The following WNT3A variants were observed in gnomAD, a reference collection of about 807,000 sequenced individuals.
WNT3A encodes protein Wnt-3a.
In WNT3A, 17 loss-of-function variants were observed where a neutral mutation model predicts 37.0. The observed-to-expected ratio is 0.46, with a 90% confidence interval of 0.31 to 0.69. WNT3A has a LOEUF of 0.69. Ranked by LOEUF, WNT3A falls within the 30% of genes least tolerant of loss-of-function variation. The probability of loss-of-function intolerance (pLI) is 0.05; values close to 1 mark genes in which losing one functional copy is unlikely to be tolerated. For missense variants in WNT3A, 411 were observed against 510.2 expected (o/e 0.81, Z 1.87); for synonymous variants, 187 against 211.0 (o/e 0.89, Z 0.99).
Position 228,059,772 on chromosome 1 carries a change from T to C in WNT3A, c.*307T>C, listed in dbSNP as rs1452387097. On this transcript the variant is annotated 3_prime_UTR_variant, in exon 4 of 4. Coordinates refer to ENST00000284523, the MANE Select transcript of WNT3A (RefSeq NM_033131.4). ...CCCTGGACAGAGGCGGGGCTACAGA[T>C]TGGGCGGGGCTTCTCTTGGGTGGGA... 8.4e-7 allele frequency: 1 copy of C among 1,188,090 alleles called. No individual in the cohort carries two copies. The highest frequency in any genetic ancestry group is 1.0e-6 in the Non-Finnish European group (1 of 958,208). The allele number at this position is 1,188,090 out of a possible 1,614,324, so 73.6% of individuals were successfully genotyped here.
chr1:228,059,239 C>G lies in WNT3A; in HGVS notation c.833C>G (p.Pro278Arg). Residue 278 changes from proline (P) to arginine (R), a missense_variant, in exon 4 of 4, where the codon CCC (proline) becomes CGC (arginine). By Grantham distance (103) the Pro-to-Arg change is moderately radical (BLOSUM62 -2). Coordinates refer to ENST00000284523, the MANE Select transcript of WNT3A (RefSeq NM_033131.4). Reference sequence around the variant, plus strand: ...GACCTGGTCTACTACGAGGCCTCGCCCAACTTCTGCGAGCCCAACCCTGAG... The same window carrying G: ...GACCTGGTCTACTACGAGGCCTCGCGCAACTTCTGCGAGCCCAACCCTGAG... Reference protein sequence around the residue: ...ERDLVYYEASPNFCEPNPETG... With the variant: ...ERDLVYYEASRNFCEPNPETG... 2 of 1,609,580 alleles carry G rather than the reference C, an allele frequency of 1.2e-6. No homozygotes were observed. Among genetic ancestry groups the G allele is most frequent in the Non-Finnish European group, 1.7e-6 (2 of 1,179,556 alleles).
chr1:228,010,220 C>T (rs796542012), intron 1 of WNT3A, among the ~76,000 whole-genome samples: 3 of 152,340 alleles, frequency 2.0e-5, no homozygotes, highest in African/African-American at 7.2e-5. Context: ...CCAGGCACAC[C>T]CGCACTCCAG....
At chr1:228,028,029 G>T (rs939614564) in intron 2 of WNT3A, among the ~76,000 whole-genome samples, 3 of 152,080 alleles carry the variant, frequency 2.0e-5, no homozygotes. Context: ...ATTAAGTAGG[G>T]TGACCTTTTT....
At chr1:228,033,527 G>A (rs866218871) in intron 2 of WNT3A, among the ~76,000 whole-genome samples, 54 of 152,052 alleles carry the variant, frequency 3.6e-4, no homozygotes, top group African/African-American at 1.3e-3. Flanking sequence ...TGTTCCATAT[G>A]TCTGTCTTTA....
chr1:228,057,730 TCATA>T (rs2031708292), intron 3 of WNT3A, among the ~76,000 whole-genome samples: 1 of 152,198 alleles, frequency 6.6e-6, no homozygotes, highest in African/African-American at 2.4e-5. Context: ...CACAAATGGC[TCATA>T]GATTATTATA....
intron 3 of WNT3A, among the ~76,000 whole-genome samples, chr1:228,052,494 C>G (rs1014138094): frequency 6.7e-6 from 1 of 150,300 alleles, no homozygotes; most frequent in Non-Finnish European, 1.5e-5. Flanking sequence ...AACATTCAGA[C>G]CACAGCAGCT....
In WNT3A at chr1:228,039,435, G is replaced by C. The variant is rs1214373105; in HGVS notation, c.314-11221G>C. ...GACCCAATGACCACTGTCTACTCAT[G>C]GGGGGATGGCCATCAGCATATCAGA... is the stretch of plus-strand genomic sequence containing the variant. On this transcript the variant is annotated intron_variant, in intron 2 of 3. Transcript: ENST00000284523. The surrounding 1 kb of genome is among the most constrained non-coding windows in gnomAD (Gnocchi z 4.1). 6.6e-6 allele frequency among the ~76,000 whole-genome samples: 1 copy of C among 152,150 alleles called. No individual in the cohort carries two copies. Among genetic ancestry groups the C allele is most frequent in the African/African-American group, 2.4e-5 (1 of 41,438 alleles).
chr1:228,047,182 T>C (rs2031440442), intron 2 of WNT3A, among the ~76,000 whole-genome samples: 1 of 152,160 alleles, frequency 6.6e-6, no homozygotes, highest in Admixed American at 6.5e-5. Context: ...AGTTTTCTTC[T>C]GGGCTTGTGG....
chr1:228,012,973 G>A (rs2030418089), intron 1 of WNT3A, among the ~76,000 whole-genome samples: 1 of 152,154 alleles, frequency 6.6e-6, no homozygotes, highest in South Asian at 2.1e-4. Flanking sequence ...GACCCTCATG[G>A]GCTCAAGTGA....
Position 228,050,803 on chromosome 1 carries a change from G to A in WNT3A, c.461G>A (p.Gly154Asp), listed in dbSNP as rs1021976426. ...GSPGKGWKWG[G>D]CSEDIEFGGM... ...CCAGGCAAGGGCTGGAAGTGGGGTG[G>A]CTGTAGCGAGGACATCGAGTTTGGT... is the stretch of plus-strand genomic sequence containing the variant. The change falls in exon 3 of 4, where the codon GGC becomes GAC. Residue 154 changes from glycine to aspartate, a missense_variant. Gly to Asp is a moderately conservative substitution (Grantham distance 94). Coordinates refer to ENST00000284523, the MANE Select transcript of WNT3A (RefSeq NM_033131.4). This position sits in a 1 kb window ranked among gnomAD's most constrained non-coding sequence, Gnocchi z 5.0. 5 of 1,613,736 alleles carry A rather than the reference G, an allele frequency of 3.1e-6. No homozygotes were observed. The African/African-American group carries it at 6.7e-5, about 22-fold the overall frequency.
At chr1:228,035,965 C>T (rs912933150) in intron 2 of WNT3A, among the ~76,000 whole-genome samples, 1 of 152,232 alleles carries the variant, frequency 6.6e-6, no homozygotes, top group African/African-American at 2.4e-5. Flanking sequence ...AGTCCCGGCT[C>T]CTCCCTCCTG....
intron 1 of WNT3A, among the ~76,000 whole-genome samples, chr1:228,013,261 C>T (rs1295015023): frequency 2.0e-5 from 3 of 152,162 alleles, no homozygotes; most frequent in Admixed American, 6.5e-5. Context: ...GTGGCCCAGG[C>T]TGTGCACTTT....
Position 228,031,410 on chromosome 1 carries a change from G to A in WNT3A, c.313+8502G>A, listed in dbSNP as rs2031004590. Among the ~76,000 whole-genome samples the A allele has an allele frequency of 6.6e-6, 1 of 152,210 alleles. No individual in the cohort carries two copies. The highest frequency in any genetic ancestry group is 1.5e-5 in the Non-Finnish European group (1 of 68,036). On this transcript the variant is annotated intron_variant, in intron 2 of 3. Coordinates refer to ENST00000284523, the MANE Select transcript of WNT3A (RefSeq NM_033131.4). This position sits in a 1 kb window ranked among gnomAD's most constrained non-coding sequence, Gnocchi z 4.8. ...GCTGGCTGGGGTAATACACCACGCA[G>A]CTCCCCTGGAGATAGCTGCCAGGGT...
rs1280235364 is a variant in WNT3A at position 228,022,824 on chromosome 1, T to C, written c.229T>C (p.Cys77Arg). Residue 77 changes from cysteine to arginine, a missense_variant, in exon 2 of 4, where the codon TGC becomes CGC. By Grantham distance (180) the Cys-to-Arg change is radical. Transcript: ENST00000284523. ...GGGCATCAAGATTGGCATCCAGGAG[T>C]GCCAGCACCAGTTCCGCGGCCGCCG... ...AEGIKIGIQE[C>R]QHQFRGRRWN... 1 of 1,613,684 alleles carries C rather than the reference T, an allele frequency of 6.2e-7. No individual in the cohort carries two copies. Among genetic ancestry groups the C allele is most frequent in the East Asian group, 2.2e-5 (1 of 44,856 alleles).
At chr1:228,054,556 A>AGGC (rs1184853658) in intron 3 of WNT3A, among the ~76,000 whole-genome samples, 6 of 147,348 alleles carry the variant, frequency 4.1e-5, no homozygotes, top group Admixed American at 6.9e-5. Flanking sequence ...TGAACCCAGG[A>AGGC]GGCGGAGCTT....
intron 3 of WNT3A, among the ~76,000 whole-genome samples, chr1:228,056,592 T>C (rs2031687078): frequency 6.6e-6 from 1 of 151,760 alleles, no homozygotes. Flanking sequence ...AGAAAGACAA[T>C]GACAAACAAA....
At chr1:228,020,140 C>T (rs1339396525) in intron 1 of WNT3A, among the ~76,000 whole-genome samples, 1 of 152,216 alleles carries the variant, frequency 6.6e-6, no homozygotes, top group African/African-American at 2.4e-5. Flanking sequence ...AGGAGAATCG[C>T]TTGAGCCAAG....
intron 1 of WNT3A, among the ~76,000 whole-genome samples, chr1:228,009,063 A>G (rs1466409990): frequency 6.6e-6 from 1 of 152,162 alleles, no homozygotes; most frequent in Non-Finnish European, 1.5e-5. Flanking sequence ...AGCGGGGCAT[A>G]GAACCCCACC....
rs767871879 is a variant in WNT3A at position 228,022,895 on chromosome 1, C to G, written c.300C>G (p.Pro100=). ...ACGACAGCCTGGCCATCTTCGGGCC[C>G]GTGCTGGACAAAGGTATGGGGGTGG... ...TVHDSLAIFG[P]VLDKATRESA... The change falls in exon 2 of 4, where the codon CCC becomes CCG. Residue 100 remains proline, a synonymous_variant. Transcript: ENST00000284523. The G allele has an allele frequency of 8.1e-6, 13 of 1,608,868 alleles. No individual in the cohort carries two copies. In the African/African-American group the frequency reaches 9.3e-5, roughly 12 times the overall value.
Sources: allele counts gnomAD v4.1 joint callset (sites outside exome capture counted in the v4.1 genomes callset), GRCh38; gene constraint gnomAD v4.1.1; non-coding constraint Gnocchi (gnomAD v3.1); transcripts MANE v1.5; gene names NCBI Gene and HGNC (gene_info 2026-07-23, HGNC 2026-07-21).